Variants in PHF14 observed in about 807,000 individuals in gnomAD.
The protein encoded by PHF14 is PHD finger protein 14.
PHF14 carries 55 observed loss-of-function variants against 117.9 expected under a neutral mutation model. That is an observed-to-expected ratio of 0.47 (90% CI 0.38 to 0.58). The LOEUF (loss-of-function observed/expected upper bound fraction) is 0.58. Ranked by LOEUF, PHF14 falls within the 20% of genes least tolerant of loss-of-function variation. The pLI is 0.00. For missense variants in PHF14, 978 were observed against 1,122.2 expected (o/e 0.87, Z 1.84); for synonymous variants, 409 against 368.6 (o/e 1.11, Z -1.26).
At chr7:10,985,487 T>TTCATAA (rs1283318982) in intron 3 of PHF14, among the ~76,000 whole-genome samples, 5 of 151,986 alleles carry the variant, frequency 3.3e-5, no homozygotes, top group African/African-American at 9.7e-5. Context: ...ACCTGAAACT[T>TTCATAA]TCATAATTTT....
intron 17 of PHF14, among the ~76,000 whole-genome samples, chr7:11,118,605 T>A (rs779973540): frequency 4.6e-5 from 7 of 151,850 alleles, no homozygotes; most frequent in Non-Finnish European, 8.9e-5. Context: ...TATTGCCTGG[T>A]CAAGTAGGTG....
chr7:11,113,802 A>G (rs1412509939), intron 17 of PHF14, among the ~76,000 whole-genome samples: 1 of 152,264 alleles, frequency 6.6e-6, no homozygotes, highest in South Asian at 2.1e-4. Flanking sequence ...ATTACAGCCT[A>G]AGAAGAAAGC....
At chr7:11,001,610 A>AGATTTATATCTAAGTG (rs1782878894) in intron 4 of PHF14, among the ~76,000 whole-genome samples, 7 of 31,598 alleles carry the variant, frequency 2.2e-4, no homozygotes, top group African/African-American at 5.0e-4. Flanking sequence ...TGGCAATATT[A>AGATTTATATCTAAGTG]TTTTATTTTT....
chr7:11,089,152 A>G (rs1786543378), intron 16 of PHF14, among the ~76,000 whole-genome samples: 1 of 152,140 alleles, frequency 6.6e-6, no homozygotes, highest in Admixed American at 6.5e-5. Flanking sequence ...AACCTAAGAC[A>G]AACCTTTTAT....
At chr7:11,028,539 T>C (rs1012946070) in intron 6 of PHF14, 142 bp from the exon 7 acceptor site, 1 of 714,042 alleles carries the variant, frequency 1.4e-6, no homozygotes, top group South Asian at 1.8e-5. Flanking sequence ...GGCTCGCCTA[T>C]GATTATTGTT....
chr7:11,106,209 T>A (rs1021040107), intron 16 of PHF14: 3 of 979,894 alleles, frequency 3.1e-6, no homozygotes, highest in Middle Eastern at 5.2e-4. Context: ...TCCCACTCTT[T>A]AAGTGACTAT....
intron 16 of PHF14, chr7:11,104,502 A>G (rs1423233835): frequency 1.0e-6 from 1 of 980,902 alleles, no homozygotes; most frequent in Admixed American, 6.2e-5. Flanking sequence ...GTACTAAATG[A>G]TTCATATTTC....
Position 10,991,470 on chromosome 7 carries a change from C to T in PHF14, c.1045+623C>T, listed in dbSNP as rs542813786. ...GATTACAGGCGTGAACTACCGCGCC[C>T]GGCCAATTTTTGTGTTCTTAGTAGA... On this transcript the variant is annotated intron_variant, in intron 4 of 17. Transcript: ENST00000634607. 2.0e-4 allele frequency among the ~76,000 whole-genome samples: 31 copies of T among 151,862 alleles called. No homozygotes were observed. In the South Asian group the frequency reaches 4.4e-3, roughly 21 times the overall value.
intron 16 of PHF14, chr7:11,071,389 T>C (rs970281042): frequency 9.7e-6 from 4 of 411,280 alleles, no homozygotes; most frequent in Admixed American, 2.5e-5. Context: ...TGCTTAAATA[T>C]CTTAGAATGG....
In PHF14 at chr7:11,013,729, T is replaced by A; in HGVS notation, c.1046-18T>A. ...CAAAATAAACCCTATTTAATCATAG[T>A]GTTTTTGTTTTTTTTAGGTTGTTAT... On this transcript the variant is annotated intron_variant, in intron 4 of 17. Transcript: ENST00000634607. The A allele has an allele frequency of 7.1e-7, 1 of 1,412,008 alleles. No homozygotes were observed. Among genetic ancestry groups the A allele is most frequent in the Non-Finnish European group, 9.7e-7 (1 of 1,030,346 alleles). The allele number at this position is 1,412,008 out of a possible 1,614,324, so 87.5% of individuals were successfully genotyped here. A position where few individuals can be genotyped will look rare whatever the true frequency, so the allele number is the denominator to read the frequency against.
intron 16 of PHF14, among the ~76,000 whole-genome samples, chr7:11,082,918 C>G (rs1356901561): frequency 1.3e-5 from 2 of 152,090 alleles, no homozygotes; most frequent in African/African-American, 2.4e-5. Context: ...TTCTTTCTGC[C>G]TTTACTACAT....
intron 2 of PHF14, among the ~76,000 whole-genome samples, chr7:10,975,982 T>C (rs1459626173): frequency 6.6e-6 from 1 of 152,214 alleles, no homozygotes; most frequent in Non-Finnish European, 1.5e-5. Context: ...TGATAACTTT[T>C]TGTTTGCATA....
chr7:11,102,012 TGTATTTGA>T (rs936982847), intron 16 of PHF14, among the ~76,000 whole-genome samples: 6 of 151,978 alleles, frequency 3.9e-5, no homozygotes, highest in African/African-American at 1.4e-4. Context: ...CCCGAGTCTC[TGTATTTGA>T]GTATAACCAG....
intron 4 of PHF14, among the ~76,000 whole-genome samples, chr7:10,996,131 A>T (rs1387871917): frequency 6.6e-6 from 1 of 152,244 alleles, no homozygotes; most frequent in African/African-American, 2.4e-5. Context: ...TTTTCAGCAG[A>T]GGATTAATAT....
At chr7:11,125,380 G>T (rs944626913) in intron 17 of PHF14, among the ~76,000 whole-genome samples, 1 of 152,010 alleles carries the variant, frequency 6.6e-6, no homozygotes, top group African/African-American at 2.4e-5. Context: ...GGCAGTTTTT[G>T]TATGTTTTTA....
At chr7:11,010,135 A>G (rs908518858) in intron 4 of PHF14, among the ~76,000 whole-genome samples, 1 of 152,156 alleles carries the variant, frequency 6.6e-6, no homozygotes, top group Non-Finnish European at 1.5e-5. Flanking sequence ...AAGGAACATT[A>G]TTTTGTAAAT....
chr7:11,113,584 G>A (rs1046439057), intron 17 of PHF14, among the ~76,000 whole-genome samples: 5 of 152,152 alleles, frequency 3.3e-5, no homozygotes, highest in East Asian at 1.9e-4. Context: ...TTGTATTTTC[G>A]TTATACTTAT....
intron 17 of PHF14, among the ~76,000 whole-genome samples, chr7:11,138,944 T>C (rs1788327420): frequency 6.6e-6 from 1 of 152,184 alleles, no homozygotes; most frequent in Non-Finnish European, 1.5e-5. Flanking sequence ...GAAGATGATA[T>C]TTCTAAAACA....
rs564998009 is a variant in PHF14, at chr7:11,162,072, C to CTTTTTTTTTTTTT, written c.2773-7322_2773-7310dup. Among the ~76,000 whole-genome samples, 13 of 70,298 alleles carry CTTTTTTTTTTTTT rather than the reference C, an allele frequency of 1.8e-4. 1 individual carries two copies. Among genetic ancestry groups the CTTTTTTTTTTTTT allele is most frequent in the African/African-American group, 3.3e-4 (8 of 24,274 alleles). The allele number at this position is 70,298 out of a possible 152,430, so 46.1% of individuals were successfully genotyped here. A position where few individuals can be genotyped will look rare whatever the true frequency, so the allele number is the denominator to read the frequency against. On this transcript the variant is annotated intron_variant, in intron 17 of 17. Coordinates refer to ENST00000634607, the MANE Select transcript of PHF14 (RefSeq NM_001007157.2). Reference sequence around the variant, plus strand: ...TCAGCAGGATATCTTAAAAATATGTCTTTTTTTTTTTTTTTTTTTTTTTTT... The same window carrying CTTTTTTTTTTTTT: ...TCAGCAGGATATCTTAAAAATATGTCTTTTTTTTTTTTTTTTTTTTTTTTTTTTTTTTTTTTTT...
Sources: gnomAD v4.1 joint callset for allele counts (sites outside exome capture counted in the v4.1 genomes callset) on GRCh38, gnomAD v4.1.1 for gene constraint, MANE v1.5 for transcripts, NCBI Gene and HGNC (gene_info 2026-07-23, HGNC 2026-07-21) for gene names.